Variants in PLCB1 observed in about 807,000 individuals in gnomAD.
PLCB1 encodes the protein phospholipase C beta 1.
In PLCB1, 46 loss-of-function variants were observed where a neutral mutation model predicts 161.8. The observed-to-expected ratio is 0.28, with a 90% CI of 0.22 to 0.36. PLCB1 has a LOEUF of 0.36. Ranked by LOEUF, PLCB1 falls within the 10% of genes least tolerant of loss-of-function variation. PLCB1 has a pLI of 1.00. For synonymous variants in PLCB1, 517 were observed against 503.7 expected, an observed-to-expected ratio of 1.03 and a Z score of -0.35; for missense variants, 1,016 against 1,472.5, an observed-to-expected ratio of 0.69 and a Z score of 5.07.
intron 4 of PLCB1, among the ~76,000 whole-genome samples, chr20:8,630,044 C>G (rs1469129186): frequency 1.7e-5 from 2 of 119,284 alleles, no homozygotes; most frequent in African/African-American, 6.4e-5. Context: ...TCTCTTCTTT[C>G]CTTTCTTTCC....
chr20:8,708,857 C>A, intron 12 of PLCB1, 105 bp downstream of exon 12: 2 of 690,768 alleles, frequency 2.9e-6, no homozygotes, highest in Admixed American at 4.9e-5. Flanking sequence ...TGGTGTTCTT[C>A]AATCATGTTG....
chr20:8,662,207 T>TTATATATAATTATTATATAATTC (rs1286686637), intron 9 of PLCB1, among the ~76,000 whole-genome samples: 5 of 69,494 alleles, frequency 7.2e-5, no homozygotes, highest in South Asian at 9.5e-4. Context: ...TAATTCTATA[T>TTATATATAATTATTATATAATTC]TATATATAAT....
At position 8,580,058 on chromosome 20, in the gene PLCB1, G is replaced by A. The variant is rs999449879; in HGVS notation, c.247-48236G>A. Among the ~76,000 whole-genome samples the A allele has an allele frequency of 2.6e-5, 4 of 152,116 alleles. No homozygotes were observed. In the South Asian group the frequency reaches 6.2e-4, roughly 24 times the overall value. ...TAGAATATTGGCCCTGAGTATGACA[G>A]CCTAATGAGAAGGTGGTGGGTATGT... On this transcript the variant is annotated intron_variant, in intron 3 of 31. Transcript: ENST00000338037.
chr20:8,425,484 G>T (rs1979723411), intron 3 of PLCB1, among the ~76,000 whole-genome samples: 1 of 152,028 alleles, frequency 6.6e-6, no homozygotes, highest in South Asian at 2.1e-4. Flanking sequence ...TGCCAGTGTG[G>T]ATTCACCAGG....
chr20:8,355,989 A>G (rs1986351552), intron 2 of PLCB1, among the ~76,000 whole-genome samples: 1 of 152,304 alleles, frequency 6.6e-6, no homozygotes. Context: ...AGCTTTAAAA[A>G]TAGACCTGCA....
At chr20:8,868,490 T>G (rs1024326053) in intron 31 of PLCB1, among the ~76,000 whole-genome samples, 1 of 152,206 alleles carries the variant, frequency 6.6e-6, no homozygotes, top group Non-Finnish European at 1.5e-5. Context: ...GAAAACACAT[T>G]GGAATGTTTT....
chr20:8,528,917 G>T (rs1203026768), intron 3 of PLCB1, among the ~76,000 whole-genome samples: 1 of 151,904 alleles, frequency 6.6e-6, no homozygotes, highest in Non-Finnish European at 1.5e-5. Context: ...GAAGTAAGAG[G>T]GTGTGAGGAG....
intron 2 of PLCB1, among the ~76,000 whole-genome samples, chr20:8,236,228 C>T (rs566299783): frequency 6.6e-6 from 1 of 152,120 alleles, no homozygotes; most frequent in South Asian, 2.1e-4. Context: ...TTCATAAATA[C>T]ACTAATTACT....
chr20:8,789,251 C>T (rs1170902502), intron 29 of PLCB1, among the ~76,000 whole-genome samples: 1 of 152,102 alleles, frequency 6.6e-6, no homozygotes, highest in African/African-American at 2.4e-5. Flanking sequence ...TGGTGGTGCA[C>T]ACCTATATTT....
chr20:8,794,868 A>G lies in PLCB1; in HGVS notation c.3423+4607A>G, dbSNP rs974402659. 3.3e-5 allele frequency among the ~76,000 whole-genome samples: 5 copies of G among 152,238 alleles called. No homozygotes were observed. In the East Asian group the frequency reaches 5.8e-4, roughly 18 times the overall value. ...AAGAAATTTGAAAAGCCAATGGCTCAAAGTTAACAGTTTTTCAGTGGCAAA... is the reference window on the plus strand; with the variant it reads ...AAGAAATTTGAAAAGCCAATGGCTCGAAGTTAACAGTTTTTCAGTGGCAAA... On this transcript the variant is annotated intron_variant, in intron 31 of 31. Coordinates refer to ENST00000338037, the MANE Select transcript of PLCB1 (RefSeq NM_015192.4).
At chr20:8,833,035 G>C (rs1326712348) in intron 31 of PLCB1, among the ~76,000 whole-genome samples, 1 of 152,124 alleles carries the variant, frequency 6.6e-6, no homozygotes, top group Admixed American at 6.5e-5. Context: ...ATGTTCCCTT[G>C]TTTGGAAAAG....
At chr20:8,480,093 G>A (rs569369306) in intron 3 of PLCB1, among the ~76,000 whole-genome samples, 4 of 152,292 alleles carry the variant, frequency 2.6e-5, no homozygotes, top group East Asian at 1.9e-4. Context: ...AGGGTCGCCA[G>A]GTAATAGTTC....
intron 27 of PLCB1, among the ~76,000 whole-genome samples, chr20:8,780,295 G>A (rs985329920): frequency 5.9e-5 from 9 of 152,108 alleles, no homozygotes; most frequent in East Asian, 1.9e-4. Context: ...CAGGGATTTC[G>A]TTGTAATGTT....
chr20:8,302,880 C>G (rs1430548346), intron 2 of PLCB1, among the ~76,000 whole-genome samples: 1 of 151,982 alleles, frequency 6.6e-6, no homozygotes, highest in Non-Finnish European at 1.5e-5. Flanking sequence ...AATATAACAT[C>G]TAGACATTGG....
At chr20:8,835,425 G>A (rs1297145799) in intron 31 of PLCB1, among the ~76,000 whole-genome samples, 1 of 151,148 alleles carries the variant, frequency 6.6e-6, no homozygotes, top group African/African-American at 2.4e-5. Flanking sequence ...TTTTTTTCTG[G>A]TTATACCCAT....
intron 3 of PLCB1, among the ~76,000 whole-genome samples, chr20:8,488,865 G>A (rs1366350924): frequency 7.9e-5 from 12 of 152,122 alleles, no homozygotes; most frequent in Non-Finnish European, 8.8e-5. Context: ...TAGATTTAAT[G>A]ACTTTATCCT....
At chr20:8,416,138 CAT>C (rs1426903614) in intron 3 of PLCB1, among the ~76,000 whole-genome samples, 1 of 152,160 alleles carries the variant, frequency 6.6e-6, no homozygotes, top group Admixed American at 6.5e-5. Flanking sequence ...CTGTTTGACT[CAT>C]GTGTGTTGAG....
At chr20:8,277,259 C>T (rs924303880) in intron 2 of PLCB1, among the ~76,000 whole-genome samples, 10 of 151,696 alleles carry the variant, frequency 6.6e-5, no homozygotes, top group African/African-American at 2.2e-4. Context: ...GTGAAATCAT[C>T]GTATATGAGG....
chr20:8,750,933 CTTT>C (rs769913295), intron 23 of PLCB1: 1,600 of 410,918 alleles, frequency 3.9e-3, no homozygotes, highest in South Asian at 4.3e-3. Context: ...GAACTGCACT[CTTT>C]TTTTTTTTTT....
Sources: gnomAD v4.1 joint callset for allele counts (sites outside exome capture counted in the v4.1 genomes callset) on GRCh38, gnomAD v4.1.1 for gene constraint, MANE v1.5 for transcripts, NCBI Gene and HGNC (gene_info 2026-07-23, HGNC 2026-07-21) for gene names.